Variants in MMP27 observed in about 807,000 individuals in gnomAD.
The protein encoded by MMP27 is matrix metallopeptidase 27.
A neutral mutation model predicts 48.1 loss-of-function variants in MMP27; 51 were observed. The ratio of observed to expected loss-of-function variants is 1.06; its 90% CI spans 0.85 to 1.34. The LOEUF (loss-of-function observed/expected upper bound fraction) is 1.34, where lower values mean the gene tolerates loss of function less well. Among genes scored for constraint, MMP27 ranks in the 40% most tolerant of loss-of-function variants. The probability of loss-of-function intolerance (pLI) is 0.00; values close to 1 mark genes in which losing one functional copy is unlikely to be tolerated. For missense variants in MMP27, 698 were observed against 619.3 expected (o/e 1.13, Z -1.35); for synonymous variants, 229 against 208.9 (o/e 1.10, Z -0.83).
rs1860971622 is a variant in MMP27 at position 102,702,957 on chromosome 11, T to C, written c.490+13A>G. 5.6e-6 allele frequency: 9 copies of C among 1,612,750 alleles called. No individual in the cohort carries two copies. The highest frequency in any genetic ancestry group is 7.6e-6 in the Non-Finnish European group (9 of 1,179,582). ...GAGATAAAAATAGCTTTGCTCTCTG[T>C]TGAAAACCTTACCTCGAGTCCTAAA... On this transcript the variant is annotated intron_variant, in intron 3 of 9. Transcript: ENST00000260229.
chr11:102,694,957 G>A lies in MMP27; in HGVS notation c.1033+10C>T, dbSNP rs376574965. 32 of 1,613,598 alleles carry A rather than the reference G, an allele frequency of 2.0e-5. No individual in the cohort carries two copies. The highest frequency in any genetic ancestry group is 2.6e-5 in the Non-Finnish European group (31 of 1,179,728). ...AGAGGGAGAAGAGGAATCGGGATGG[G>A]CCAGGTTACCTTTAAAAACCAGAAT... On this transcript the variant is annotated intron_variant, in intron 7 of 9. Transcript: ENST00000260229.
At chr11:102,694,415 A>C (rs1860784582) in intron 7 of MMP27, among the ~76,000 whole-genome samples, 1 of 152,188 alleles carries the variant, frequency 6.6e-6, no homozygotes, top group African/African-American at 2.4e-5. Flanking sequence ...GTCAATTGAA[A>C]TTTTTAAAAT....
At chr11:102,693,625 G>A (rs867727172) in intron 8 of MMP27, among the ~76,000 whole-genome samples, 1 of 151,802 alleles carries the variant, frequency 6.6e-6, no homozygotes, top group South Asian at 2.1e-4. Context: ...TCTACAAAAA[G>A]TACAAAAATT....
rs371213148 is a variant in MMP27, at chr11:102,702,899, C to A, written c.491-18G>T. 6.2e-7 allele frequency: 1 copy of A among 1,610,946 alleles called. No homozygotes were observed. Among genetic ancestry groups the A allele is most frequent in the Non-Finnish European group, 8.5e-7 (1 of 1,179,036 alleles). ...ACCATGGACTGAGATACAATTTATG[C>A]GAGGAAAAAAGATCAGCTTCCTCAA... On this transcript the variant is annotated intron_variant, in intron 3 of 9. Transcript: ENST00000260229.
At chr11:102,695,993 T>G (rs1200009441) in intron 6 of MMP27, among the ~76,000 whole-genome samples, 1 of 152,154 alleles carries the variant, frequency 6.6e-6, no homozygotes, top group Non-Finnish European at 1.5e-5. Flanking sequence ...ATGGCCAATT[T>G]CAAGCTGCCT....
At chr11:102,704,284 C>T (rs758471852) in intron 2 of MMP27, among the ~76,000 whole-genome samples, 1 of 152,222 alleles carries the variant, frequency 6.6e-6, no homozygotes, top group Non-Finnish European at 1.5e-5. Flanking sequence ...GAGAGCATGT[C>T]TGCTGGAGCC....
At chr11:102,694,205 C>G in intron 7 of MMP27, 140 bp from the exon 8 acceptor site, 1 of 519,082 alleles carries the variant, frequency 1.9e-6, no homozygotes, top group Non-Finnish European at 3.2e-6. Context: ...TCATTCCTAC[C>G]ACTTTCTTTA....
chr11:102,696,932 G>A (rs1216192002), intron 4 of MMP27, 97 bp from the exon 5 acceptor site: 4 of 1,312,922 alleles, frequency 3.0e-6, no homozygotes, highest in Non-Finnish European at 3.1e-6. Context: ...TGAAATAAAG[G>A]CTTGCTATAC....
intron 1 of MMP27, among the ~76,000 whole-genome samples, chr11:102,705,101 A>G (rs944711514): frequency 1.3e-5 from 2 of 152,120 alleles, no homozygotes; most frequent in African/African-American, 4.8e-5. Context: ...TATCTTACAT[A>G]TTTTTGCTGT....
At chr11:102,692,667 C>T (rs184809852) in intron 9 of MMP27, among the ~76,000 whole-genome samples, 177 of 152,198 alleles carry the variant, frequency 1.2e-3, no homozygotes, top group African/African-American at 4.1e-3. Flanking sequence ...TTAGTCACTT[C>T]GCACACTTTA....
rs971273336 is a variant in MMP27 at position 102,693,807 on chromosome 11, A to G, written c.1193+99T>C. ...CTCAAAAAAAATAAAAAAATAAAAA[A>G]TATTATGGATTCATTTTAATTTTGT... On this transcript the variant is annotated intron_variant, in intron 8 of 9. Transcript: ENST00000260229. 1.5e-5 allele frequency: 16 copies of G among 1,067,318 alleles called. No individual in the cohort carries two copies. In the South Asian group the frequency reaches 2.6e-4, roughly 17 times the overall value. 66.1% of individuals were successfully genotyped at this position (1,067,318 alleles called of 1,614,324 possible).
intron 6 of MMP27, 46 bp from the exon 7 acceptor site, chr11:102,695,143 T>A: frequency 6.3e-7 from 1 of 1,586,374 alleles, no homozygotes; most frequent in Non-Finnish European, 8.6e-7. Flanking sequence ...TATTTCCATG[T>A]CAATGAGAAT....
Position 102,696,673 on chromosome 11 carries a change from C to A in MMP27, c.781+1G>T. 1 of 1,609,632 alleles carries A rather than the reference C, an allele frequency of 6.2e-7. No individual in the cohort carries two copies. The highest frequency in any genetic ancestry group is 8.5e-7 in the Non-Finnish European group (1 of 1,178,734). On this transcript the variant is annotated splice_donor_variant, in intron 5 of 9. Coordinates refer to ENST00000260229, the MANE Select transcript of MMP27 (RefSeq NM_022122.3). LOFTEE classifies it high-confidence loss of function. The stretch of plus-strand genomic sequence containing the variant: ...ATATTGAGATTTATAATTTTGCTCA[C>A]CATAGATGGACTGGATTCCATTGAT...
chr11:102,697,201 C>A (rs78284727), intron 4 of MMP27, among the ~76,000 whole-genome samples: 1 of 152,054 alleles, frequency 6.6e-6, no homozygotes. Flanking sequence ...CAATGGTAAG[C>A]AATTATTTAG....
At position 102,702,879 on chromosome 11, in the gene MMP27, G is replaced by A. The variant is rs187008697; in HGVS notation, c.493C>T (p.His165Tyr). The change falls in exon 4 of 10, where the codon CAT becomes TAT. Residue 165 changes from histidine (H) to tyrosine (Y), a missense_variant and splice_region_variant. By Grantham distance (83) the His-to-Tyr change is moderately conservative. Transcript: ENST00000260229. ...DIMIAFRTRVHGRCPRYFDGP... is the reference protein window; with the variant it reads ...DIMIAFRTRVYGRCPRYFDGP... ...TCAAAATAGCGAGGACACCGACCAT[G>A]GACTGAGATACAATTTATGCGAGGA... The A allele has an allele frequency of 6.2e-7, 1 of 1,613,248 alleles. No individual in the cohort carries two copies. Among genetic ancestry groups the A allele is most frequent in the African/African-American group, 1.3e-5 (1 of 74,962 alleles).
At position 102,691,608 on chromosome 11, in the gene MMP27, T is replaced by C; in HGVS notation, c.*158A>G. The C allele has an allele frequency of 1.7e-6, 1 of 599,928 alleles. No individual in the cohort carries two copies. Among genetic ancestry groups the C allele is most frequent in the East Asian group, 3.0e-5 (1 of 33,200 alleles). 37.2% of individuals were successfully genotyped at this position (599,928 alleles called of 1,614,324 possible). A position where few individuals can be genotyped will look rare whatever the true frequency, so the allele number is the denominator to read the frequency against. ...GTCAGAGATTTTTGTTTCTACATAA[T>C]AACTTCCTATTAAAAGAATCAGGCA... On this transcript the variant is annotated 3_prime_UTR_variant, in exon 10 of 10. Coordinates refer to ENST00000260229, the MANE Select transcript of MMP27 (RefSeq NM_022122.3).
intron 6 of MMP27, among the ~76,000 whole-genome samples, chr11:102,695,335 T>C (rs1353901287): frequency 1.3e-5 from 2 of 152,214 alleles, no homozygotes; most frequent in Admixed American, 1.3e-4. Context: ...AAACTCATCA[T>C]GGAAATCTTA....
At chr11:102,703,669 C>T (rs754946417) in intron 2 of MMP27, among the ~76,000 whole-genome samples, 14 of 152,104 alleles carry the variant, frequency 9.2e-5, no homozygotes, top group African/African-American at 2.9e-4. Context: ...ACTACAGGCG[C>T]GTGCCACCAG....
At chr11:102,692,049 T>C (rs772354403) in intron 9 of MMP27, 39 bp from the exon 10 acceptor site, 1 of 1,492,822 alleles carries the variant, frequency 6.7e-7, no homozygotes, top group Non-Finnish European at 8.9e-7. Flanking sequence ...CTTTCATAAC[T>C]ATATAATACT....
Sources: gnomAD v4.1 joint callset for allele counts (sites outside exome capture counted in the v4.1 genomes callset) on GRCh38, gnomAD v4.1.1 for gene constraint, MANE v1.5 for transcripts, NCBI Gene and HGNC (gene_info 2026-07-23, HGNC 2026-07-21) for gene names.